Variants in RIPOR3 observed in about 807,000 individuals in gnomAD.
RIPOR3 encodes the protein RIPOR family member 3, also known as family with sequence similarity 65 member C.
A neutral mutation model predicts 114.3 loss-of-function variants in RIPOR3; 95 were observed. The observed-to-expected ratio is 0.83, with a 90% CI of 0.70 to 0.99. The LOEUF (loss-of-function observed/expected upper bound fraction) is 0.99. RIPOR3 is among the 50% of genes least tolerant of loss of function. The pLI is 0.00. For missense variants in RIPOR3, 1,252 were observed against 1,266.9 expected (o/e 0.99, Z 0.18); for synonymous variants, 575 against 543.8 (o/e 1.06, Z -0.80).
chr20:50,596,018 G>C (rs983730529), intron 15 of RIPOR3, 122 bp downstream of exon 15: 128 of 1,396,866 alleles, frequency 9.2e-5, no homozygotes, highest in Non-Finnish European at 1.1e-4. Context: ...TCAGTCTCAC[G>C]GGCTTCCAGG....
intron 6 of RIPOR3, among the ~76,000 whole-genome samples, chr20:50,610,247 C>A (rs957594394): frequency 4.0e-5 from 6 of 151,822 alleles, no homozygotes; most frequent in African/African-American, 1.5e-4. Flanking sequence ...TCCTGCCACC[C>A]CTGCCTCACC....
At chr20:50,658,728 C>T (rs2085898126) in intron 1 of RIPOR3, among the ~76,000 whole-genome samples, 2 of 152,046 alleles carry the variant, frequency 1.3e-5, no homozygotes, top group African/African-American at 4.8e-5. Flanking sequence ...TATAATCAAT[C>T]TTTACATGTT....
intron 4 of RIPOR3, among the ~76,000 whole-genome samples, chr20:50,613,837 C>A (rs1189867083): frequency 6.6e-6 from 1 of 152,170 alleles, no homozygotes; most frequent in Non-Finnish European, 1.5e-5. Context: ...CTTCTCCCAC[C>A]ATCTGCTGCT....
intron 1 of RIPOR3, among the ~76,000 whole-genome samples, chr20:50,656,220 C>T (rs2085808305): frequency 6.6e-6 from 1 of 151,650 alleles, no homozygotes; most frequent in Admixed American, 6.6e-5. Flanking sequence ...GTTGGCCAGG[C>T]TGTCCTTTCC....
intron 19 of RIPOR3, among the ~76,000 whole-genome samples, chr20:50,591,722 GT>G (rs2083115687): frequency 6.6e-6 from 1 of 152,200 alleles, no homozygotes; most frequent in Non-Finnish European, 1.5e-5. Flanking sequence ...CACTCTCTTG[GT>G]TTTCAAATGG....
chr20:50,624,551 C>T (rs1467149846), intron 2 of RIPOR3, among the ~76,000 whole-genome samples: 1 of 152,222 alleles, frequency 6.6e-6, no homozygotes, highest in Non-Finnish European at 1.5e-5. Flanking sequence ...TCAGTGGCCA[C>T]TCTGAGAGCC....
chr20:50,678,392 T>TACCCCCACCTCCCACCCC (rs2123585460), intron 1 of RIPOR3, among the ~76,000 whole-genome samples: 1 of 152,220 alleles, frequency 6.6e-6, no homozygotes, highest in East Asian at 1.9e-4. Flanking sequence ...AGGGAGGGCC[T>TACCCCCACCTCCCACCCC]ACCCCCACCT....
intron 1 of RIPOR3, among the ~76,000 whole-genome samples, chr20:50,637,228 C>T (rs554630889): frequency 3.9e-5 from 6 of 152,194 alleles, no homozygotes; most frequent in East Asian, 1.9e-4. Context: ...CACCCAAAGG[C>T]GACTGGAAGA....
chr20:50,660,772 T>G (rs1450269449), intron 1 of RIPOR3, among the ~76,000 whole-genome samples: 5 of 113,000 alleles, frequency 4.4e-5, no homozygotes, highest in East Asian at 2.8e-4. Context: ...TTTTTTTTTT[T>G]GAGACAGGGT....
chr20:50,626,316 G>A (rs1466707730), intron 2 of RIPOR3, among the ~76,000 whole-genome samples: 1 of 152,222 alleles, frequency 6.6e-6, no homozygotes, highest in Non-Finnish European at 1.5e-5. Flanking sequence ...CTCCGAACCA[G>A]CCCAGGCCCA....
chr20:50,613,085 C>T (rs2084030819), intron 4 of RIPOR3, among the ~76,000 whole-genome samples: 1 of 151,842 alleles, frequency 6.6e-6, no homozygotes, highest in Admixed American at 6.6e-5. Context: ...AGAGTAAGAC[C>T]TTGTCACTTT....
chr20:50,632,972 C>T lies in RIPOR3; in HGVS notation c.4-2116G>A, dbSNP rs373629493. 4.0e-4 allele frequency among the ~76,000 whole-genome samples: 61 copies of T among 152,324 alleles called. 1 individual carries two copies. The East Asian group carries it at 8.5e-3, about 21-fold the overall frequency. On this transcript the variant is annotated intron_variant, in intron 1 of 21. Coordinates refer to ENST00000327979, the MANE Select transcript of RIPOR3 (RefSeq NM_001290268.2). ...TGAGCCAGCTTGTACCAGCTCCCAA[C>T]AGTCAACTGGGCCAGGCACAGTGGC... is the stretch of plus-strand genomic sequence containing the variant.
At chr20:50,664,423 C>T (rs1303723584) in intron 1 of RIPOR3, among the ~76,000 whole-genome samples, 1 of 152,228 alleles carries the variant, frequency 6.6e-6, no homozygotes, top group African/African-American at 2.4e-5. Flanking sequence ...GCACTGTTGG[C>T]TTTGCTCTGA....
chr20:50,684,006 G>A (rs576208061), intron 1 of RIPOR3, among the ~76,000 whole-genome samples: 5 of 151,950 alleles, frequency 3.3e-5, no homozygotes, highest in East Asian at 3.9e-4. Context: ...ACCTGAACCC[G>A]GGAGGCAGAG....
chr20:50,646,819 A>G (rs574428393), intron 1 of RIPOR3, among the ~76,000 whole-genome samples: 39 of 152,230 alleles, frequency 2.6e-4, no homozygotes, highest in Non-Finnish European at 4.8e-4. Context: ...GTGTACTACA[A>G]GCTGTTTATT....
intron 1 of RIPOR3, among the ~76,000 whole-genome samples, chr20:50,681,329 G>A (rs138115451): frequency 6.8e-6 from 1 of 147,958 alleles, no homozygotes; most frequent in South Asian, 2.2e-4. Flanking sequence ...TTTTATTTTA[G>A]AGAAATTGAG....
At chr20:50,654,423 T>C (rs1005834440) in intron 1 of RIPOR3, among the ~76,000 whole-genome samples, 2 of 22,718 alleles carry the variant, frequency 8.8e-5, no homozygotes, top group Non-Finnish European at 3.3e-4. Context: ...GGAGGCAGAG[T>C]TTTTTTTTTT....
In RIPOR3 at chr20:50,586,945, C is replaced by T. The variant is rs927280415; in HGVS notation, c.*287G>A. 9 of 360,366 alleles carry T rather than the reference C, an allele frequency of 2.5e-5. No individual in the cohort carries two copies. Among genetic ancestry groups the T allele is most frequent in the Non-Finnish European group, 4.1e-5 (8 of 194,798 alleles). The allele number at this position is 360,366 out of a possible 1,614,324, so 22.3% of individuals were successfully genotyped here. On this transcript the variant is annotated 3_prime_UTR_variant, in exon 22 of 22. Coordinates refer to ENST00000327979, the MANE Select transcript of RIPOR3 (RefSeq NM_001290268.2). ...GGTGGCCACCTAGTTTGGCTCAGCT[C>T]TGCATCTCGGGGAAGGTCACACAGA...
intron 3 of RIPOR3, among the ~76,000 whole-genome samples, chr20:50,618,017 G>A (rs910696568): frequency 6.6e-6 from 1 of 152,066 alleles, no homozygotes; most frequent in Non-Finnish European, 1.5e-5. Context: ...TGTAATCCCA[G>A]CACTTTGGGA....
Sources: gnomAD v4.1 joint callset for allele counts (sites outside exome capture counted in the v4.1 genomes callset) on GRCh38, gnomAD v4.1.1 for gene constraint, MANE v1.5 for transcripts, NCBI Gene and HGNC (gene_info 2026-07-23, HGNC 2026-07-21) for gene names.